ZNF493: variants seen among roughly 807,000 people sequenced by gnomAD.
ZNF493 encodes zinc finger protein 493.
A neutral mutation model predicts 12.2 loss-of-function variants in ZNF493; 11 were observed. The ratio of observed to expected loss-of-function variants is 0.90; its 90% CI spans 0.57 to 1.50. The LOEUF (loss-of-function observed/expected upper bound fraction) is 1.50, where lower values mean the gene tolerates loss of function less well. Among genes scored for constraint, ZNF493 ranks in the 40% most tolerant of loss-of-function variants. The probability of loss-of-function intolerance (pLI) is 0.00; values close to 1 mark genes in which losing one functional copy is unlikely to be tolerated. For synonymous variants in ZNF493, 286 were observed against 302.6 expected (o/e 0.95, Z 0.57); for missense variants, 950 against 906.6 (o/e 1.05, Z -0.61).
At chr19:21,407,724 A>C in intron 3 of ZNF493, 1 of 978,922 alleles carries the variant, frequency 1.0e-6, no homozygotes, top group South Asian at 4.7e-5. Context: ...ATTTCAATGT[A>C]CTGTGGTTTT....
In ZNF493 at chr19:21,426,336, A is replaced by AG. The variant is rs1438707299; in HGVS notation, c.*1353dup. 1.1e-5 allele frequency: 2 copies of AG among 176,516 alleles called. No homozygotes were observed. The highest frequency in any genetic ancestry group is 2.7e-5 in the Non-Finnish European group (2 of 73,594). The allele number at this position is 176,516 out of a possible 1,614,324, so 10.9% of individuals were successfully genotyped here. On this transcript the variant is annotated 3_prime_UTR_variant, in exon 4 of 4. Coordinates refer to ENST00000392288, the MANE Select transcript of ZNF493 (RefSeq NM_001076678.3). ...TTGCACAGAAAATCATTTATATTTGAGAAAAATTGTAGAAATATAGACTGT... is the reference window on the plus strand; with the variant it reads ...TTGCACAGAAAATCATTTATATTTGAGGAAAAATTGTAGAAATATAGACTGT...
At chr19:21,410,996 G>T (rs2030307648) in intron 3 of ZNF493, among the ~76,000 whole-genome samples, 1 of 152,060 alleles carries the variant, frequency 6.6e-6, no homozygotes, top group South Asian at 2.1e-4. Flanking sequence ...CTCCATGTTG[G>T]TCAGGCTGGT....
intron 3 of ZNF493, chr19:21,413,454 C>A: frequency 2.5e-6 from 1 of 404,588 alleles, no homozygotes; most frequent in Non-Finnish European, 4.3e-6. Flanking sequence ...CTGGTTGTCC[C>A]ACTTTCTTCA....
rs768249183 is a variant in ZNF493, at chr19:21,397,218, C to T, written c.-20C>T. On this transcript the variant is annotated 5_prime_UTR_variant, in exon 1 of 4. Coordinates refer to ENST00000392288, the MANE Select transcript of ZNF493 (RefSeq NM_001076678.3). ...TGTGTGGCTTCGTGACCTGAAGATA[C>T]TGGGAAATCCATAGCTAAGATGCCA... 5 of 1,614,172 alleles carry T rather than the reference C, an allele frequency of 3.1e-6. No homozygotes were observed. The highest frequency in any genetic ancestry group is 3.3e-5 in the Admixed American group (2 of 60,018).
At position 21,425,038 on chromosome 19, in the gene ZNF493, A is replaced by G; in HGVS notation, c.*54A>G. On this transcript the variant is annotated 3_prime_UTR_variant, in exon 4 of 4. Transcript: ENST00000392288. Reference sequence around the variant, plus strand: ...TATTCCCTTACTAAAGAATGTGGCAAAGCTTTTCACCAGTACTTTACCCTT... The same window carrying G: ...TATTCCCTTACTAAAGAATGTGGCAGAGCTTTTCACCAGTACTTTACCCTT... 3 of 1,560,760 alleles carry G rather than the reference A, an allele frequency of 1.9e-6. No homozygotes were observed. The highest frequency in any genetic ancestry group is 2.6e-6 in the Non-Finnish European group (3 of 1,154,938).
intron 3 of ZNF493, chr19:21,413,780 G>T: frequency 3.8e-6 from 1 of 260,880 alleles, no homozygotes; most frequent in East Asian, 6.8e-5. Flanking sequence ...CAGTTGTTCT[G>T]CTTCTCTCTT....
intron 3 of ZNF493, chr19:21,408,483 A>T: frequency 3.0e-6 from 3 of 984,252 alleles, no homozygotes; most frequent in Non-Finnish European, 3.6e-6. Flanking sequence ...TTTTATTTAT[A>T]ATTATACTGC....
intron 3 of ZNF493, among the ~76,000 whole-genome samples, chr19:21,406,266 C>T (rs571454719): frequency 5.1e-4 from 77 of 151,804 alleles, no homozygotes; most frequent in Middle Eastern, 3.4e-3. Flanking sequence ...GAATATAATA[C>T]CATCACCAAA....
intron 3 of ZNF493, chr19:21,407,685 T>C: frequency 2.1e-6 from 2 of 969,996 alleles, no homozygotes; most frequent in Non-Finnish European, 2.5e-6. Flanking sequence ...ATTTTGTTAA[T>C]TTACTGACTG....
At chr19:21,420,625 T>TATATATA (rs1568382547) in intron 3 of ZNF493, among the ~76,000 whole-genome samples, 4 of 18,002 alleles carry the variant, frequency 2.2e-4, no homozygotes, top group Non-Finnish European at 3.2e-4. Flanking sequence ...ATATATATAT[T>TATATATA]TTTTTTTTTT....
At chr19:21,422,549 G>A (rs1288052793) in intron 3 of ZNF493, among the ~76,000 whole-genome samples, 1 of 150,242 alleles carries the variant, frequency 6.7e-6, no homozygotes, top group Non-Finnish European at 1.5e-5. Flanking sequence ...TGGTACCTTA[G>A]CCTCCCAAGT....
chr19:21,420,624 T>TATATATA (rs1491161100), intron 3 of ZNF493, among the ~76,000 whole-genome samples: 8 of 17,106 alleles, frequency 4.7e-4, no homozygotes, highest in African/African-American at 9.5e-4. Flanking sequence ...TATATATATA[T>TATATATA]TTTTTTTTTT....
At chr19:21,418,510 A>C (rs530476700) in intron 3 of ZNF493, among the ~76,000 whole-genome samples, 1 of 152,176 alleles carries the variant, frequency 6.6e-6, no homozygotes, top group Admixed American at 6.5e-5. Flanking sequence ...CCTGGATTCG[A>C]GCCCCCATGA....
chr19:21,408,669 T>C lies in ZNF493; in HGVS notation c.253+2813T>C, dbSNP rs141437830. On this transcript the variant is annotated intron_variant, in intron 3 of 3. Coordinates refer to ENST00000392288, the MANE Select transcript of ZNF493 (RefSeq NM_001076678.3). ...AGTTTCATATTAGTGGTGTTTTCAGTGTAGGTATCTTAATATCAGCTTATC... is the reference window on the plus strand; with the variant it reads ...AGTTTCATATTAGTGGTGTTTTCAGCGTAGGTATCTTAATATCAGCTTATC... 1.0e-4 allele frequency: 99 copies of C among 985,232 alleles called. No homozygotes were observed. In the African/African-American group the frequency reaches 1.5e-3, roughly 15 times the overall value. 61.0% of individuals were successfully genotyped at this position (985,232 alleles called of 1,614,324 possible).
chr19:21,399,689 T>A (rs1187927413), intron 1 of ZNF493, among the ~76,000 whole-genome samples: 1 of 152,112 alleles, frequency 6.6e-6, no homozygotes, highest in African/African-American at 2.4e-5. Context: ...TTTCCCAGAG[T>A]GAGTTTTTGA....
At chr19:21,403,282 T>A (rs1447523957) in intron 1 of ZNF493, among the ~76,000 whole-genome samples, 2 of 152,238 alleles carry the variant, frequency 1.3e-5, no homozygotes, top group African/African-American at 4.8e-5. Context: ...GAGTTAAGTT[T>A]CACCTTTGCA....
At position 21,426,715 on chromosome 19, in the gene ZNF493, G is replaced by A. The variant is rs1016552131; in HGVS notation, c.*1731G>A. Reference sequence around the variant, plus strand: ...GCTTAGAAAACACCAGAGTTTATACGAAAATATATTTTCAAAGGTGTAGTA... The same window carrying A: ...GCTTAGAAAACACCAGAGTTTATACAAAAATATATTTTCAAAGGTGTAGTA... On this transcript the variant is annotated 3_prime_UTR_variant, in exon 4 of 4. Coordinates refer to ENST00000392288, the MANE Select transcript of ZNF493 (RefSeq NM_001076678.3). 3.0e-5 allele frequency: 5 copies of A among 166,652 alleles called. No individual in the cohort carries two copies. The highest frequency in any genetic ancestry group is 7.2e-5 in the African/African-American group (3 of 41,384). 10.3% of individuals were successfully genotyped at this position (166,652 alleles called of 1,614,324 possible).
chr19:21,405,140 A>G lies in ZNF493; in HGVS notation c.42A>G (p.Thr14=), dbSNP rs2030076592. Residue 14 remains threonine (T), a synonymous_variant, in exon 2 of 4, where the codon ACA becomes ACG. Coordinates refer to ENST00000392288, the MANE Select transcript of ZNF493 (RefSeq NM_001076678.3). The stretch of plus-strand genomic sequence containing the variant: ...TGTGTTTGTTTCAGGGGCCGTTGAC[A>G]TTTAGGGATGTGGCCATAGAATTCT... The part of the protein sequence containing the change: ...PPESLDMGPL[T]FRDVAIEFSL... 1.7e-5 allele frequency: 27 copies of G among 1,613,680 alleles called. No homozygotes were observed. In the East Asian group the frequency reaches 5.4e-4, roughly 32 times the overall value.
intron 1 of ZNF493, among the ~76,000 whole-genome samples, chr19:21,399,926 ATC>A (rs1171781436): frequency 2.0e-5 from 3 of 152,192 alleles, no homozygotes; most frequent in Non-Finnish European, 4.4e-5. Flanking sequence ...GACAGTGAAT[ATC>A]TCTGTTCAAA....
Sources: gnomAD v4.1 joint callset for allele counts (sites outside exome capture counted in the v4.1 genomes callset) on GRCh38, gnomAD v4.1.1 for gene constraint, MANE v1.5 for transcripts, NCBI Gene and HGNC (gene_info 2026-07-23, HGNC 2026-07-21) for gene names.